UNC13A: variants seen among roughly 807,000 people sequenced by gnomAD.
UNC13A encodes the protein protein unc-13 homolog A.
A neutral mutation model predicts 219.7 loss-of-function variants in UNC13A; 61 were observed. That is an observed-to-expected ratio of 0.28 (90% CI 0.23 to 0.34). The LOEUF (loss-of-function observed/expected upper bound fraction) is 0.34. Among genes scored for constraint, UNC13A ranks in the 10% least tolerant of loss-of-function variants. The pLI is 1.00. For missense variants in UNC13A, 1,476 were observed against 2,270.3 expected, an observed-to-expected ratio of 0.65 and a Z score of 7.11; for synonymous variants, 920 against 884.6, an observed-to-expected ratio of 1.04 and a Z score of -0.71.
intron 8 of UNC13A, among the ~76,000 whole-genome samples, chr19:17,661,336 G>T (rs2079547563): frequency 6.6e-6 from 1 of 152,072 alleles, no homozygotes; most frequent in Non-Finnish European, 1.5e-5. Flanking sequence ...TGTCCACCAG[G>T]ATATGAGGAA....
intron 34 of UNC13A, among the ~76,000 whole-genome samples, chr19:17,625,921 C>G (rs980631642): frequency 6.7e-6 from 1 of 150,070 alleles, no homozygotes; most frequent in African/African-American, 2.4e-5. Flanking sequence ...ATTGACCTAT[C>G]CATCCATCCA....
Position 17,642,969 on chromosome 19 carries a change from C to CA in UNC13A, c.2357-10dup, listed in dbSNP as rs775476169. ...TTTGTCAGTTCGCTTGTCTGCAGGGCAGAAAAAGAAGACAGTGTCAGAACT... is the reference window on the plus strand; with the variant it reads ...TTTGTCAGTTCGCTTGTCTGCAGGGCAAGAAAAAGAAGACAGTGTCAGAACT... On this transcript the variant is annotated splice_polypyrimidine_tract_variant and intron_variant, in intron 19 of 43. Coordinates refer to ENST00000519716, the MANE Select transcript of UNC13A (RefSeq NM_001080421.3). The CA allele has an allele frequency of 1.9e-6, 3 of 1,593,198 alleles. No homozygotes were observed. Among genetic ancestry groups the CA allele is most frequent in the Non-Finnish European group, 2.6e-6 (3 of 1,169,370 alleles).
intron 20 of UNC13A, 39 bp downstream of exon 20, chr19:17,642,806 G>T: frequency 6.5e-7 from 1 of 1,531,810 alleles, no homozygotes; most frequent in Non-Finnish European, 8.9e-7. Flanking sequence ...GGAATGGTGA[G>T]TGGAAGTGGC....
Position 17,606,036 on chromosome 19 carries a change from C to A in UNC13A, c.*18G>T, listed in dbSNP as rs2076521856. 6.8e-7 allele frequency: 1 copy of A among 1,478,042 alleles called. No homozygotes were observed. The highest frequency in any genetic ancestry group is 1.5e-5 in the African/African-American group (1 of 67,938). 91.6% of individuals were successfully genotyped at this position (1,478,042 alleles called of 1,614,324 possible). ...CGCCCTCCGCGCAGGCGCAGTGCCGCTCGGCCGACCGCCCGCGCTAAGGCG... is the reference window on the plus strand; with the variant it reads ...CGCCCTCCGCGCAGGCGCAGTGCCGATCGGCCGACCGCCCGCGCTAAGGCG... On this transcript the variant is annotated 3_prime_UTR_variant, in exon 44 of 44. Coordinates refer to ENST00000519716, the MANE Select transcript of UNC13A (RefSeq NM_001080421.3).
chr19:17,613,304 G>A (rs953768667), intron 41 of UNC13A, among the ~76,000 whole-genome samples: 3 of 152,044 alleles, frequency 2.0e-5, no homozygotes, highest in African/African-American at 7.2e-5. Context: ...AGCTATCTAG[G>A]AGGCTGAGGC....
intron 4 of UNC13A, among the ~76,000 whole-genome samples, chr19:17,671,375 A>G (rs1343686159): frequency 6.6e-6 from 1 of 152,130 alleles, no homozygotes; most frequent in Admixed American, 6.6e-5. Context: ...ACAGGGGAGG[A>G]CAGATCAGAG....
In UNC13A at chr19:17,647,410, G is replaced by A; in HGVS notation, c.1899C>T (p.Ile633=). The change falls in exon 17 of 44, where the codon ATC becomes ATT. Residue 633 remains isoleucine (I), a synonymous_variant. Transcript: ENST00000519716. ...IIMVLKDRMK[I]RERNKPEIFE... ...AGATCTCGGGCTTGTTGCGCTCCCG[G>A]ATCTTCATGCGGTCCTTGAGCACCA... The A allele has an allele frequency of 6.2e-7, 1 of 1,613,748 alleles. No individual in the cohort carries two copies. The highest frequency in any genetic ancestry group is 1.1e-5 in the South Asian group (1 of 91,086).
intron 11 of UNC13A, 127 bp from the exon 12 acceptor site, chr19:17,652,804 G>T: frequency 1.0e-6 from 1 of 988,454 alleles, no homozygotes; most frequent in Non-Finnish European, 1.6e-6. Context: ...TCCTGGCTGA[G>T]TGATTTTAGG....
intron 8 of UNC13A, 97 bp downstream of exon 8, chr19:17,663,435 T>C (rs1270937914): frequency 1.4e-6 from 2 of 1,419,072 alleles, no homozygotes; most frequent in East Asian, 2.4e-5. Context: ...CACAGGCTCC[T>C]TGCTTCCCTG....
At position 17,602,535 on chromosome 19, in the gene UNC13A, C is replaced by T. The variant is rs1267964006; in HGVS notation, c.*3519G>A. 6.6e-6 allele frequency: 1 copy of T among 152,272 alleles called. No homozygotes were observed. The allele number at this position is 152,272 out of a possible 1,614,324, so 9.4% of individuals were successfully genotyped here. ...AAAGCGAGGTCCAGGGTTCAGAACC[C>T]TGGAGGTGTCATCCAAGGCCGGGCT... is the stretch of plus-strand genomic sequence containing the variant. On this transcript the variant is annotated 3_prime_UTR_variant, in exon 44 of 44. Coordinates refer to ENST00000519716, the MANE Select transcript of UNC13A (RefSeq NM_001080421.3).
At position 17,617,637 on chromosome 19, in the gene UNC13A, T is replaced by A; in HGVS notation, c.4558+65A>T. 3 of 1,589,756 alleles carry A rather than the reference T, an allele frequency of 1.9e-6. No homozygotes were observed. The South Asian group carries it at 3.3e-5, about 18-fold the overall frequency. ...CAGGGGAGTGAGCCAATGGCAGCCG[T>A]TCAGGCTTGGGGCGGGGCTGTCTCC... On this transcript the variant is annotated intron_variant, in intron 41 of 43. Coordinates refer to ENST00000519716, the MANE Select transcript of UNC13A (RefSeq NM_001080421.3).
chr19:17,642,988 C>A (rs1332886855), intron 19 of UNC13A, 28 bp from the exon 20 acceptor site: 1 of 1,568,102 alleles, frequency 6.4e-7, no homozygotes, highest in Non-Finnish European at 8.7e-7. Flanking sequence ...AAGACAGTGT[C>A]AGAACTTCCC....
At chr19:17,640,143 T>C (rs957973852) in intron 22 of UNC13A, among the ~76,000 whole-genome samples, 5 of 152,166 alleles carry the variant, frequency 3.3e-5, no homozygotes, top group African/African-American at 1.2e-4. Flanking sequence ...CAAGCAATTC[T>C]CCTGCCTCAG....
rs924255368 is a variant in UNC13A at position 17,672,737 on chromosome 19, C to T, written c.153-242G>A. On this transcript the variant is annotated intron_variant, in intron 3 of 43. Transcript: ENST00000519716. ...CAGGATTCAAAGCCGGGAAGGATGG[C>T]GTGGGGACAGATGTTACACATCGCC... Among the ~76,000 whole-genome samples the T allele has an allele frequency of 4.6e-5, 7 of 152,188 alleles. No individual in the cohort carries two copies. In the East Asian group the frequency reaches 7.7e-4, roughly 17 times the overall value.
chr19:17,621,659 C>T (rs1568505772), intron 37 of UNC13A, among the ~76,000 whole-genome samples, 173 bp downstream of exon 37: 1 of 151,978 alleles, frequency 6.6e-6, no homozygotes, highest in Non-Finnish European at 1.5e-5. Flanking sequence ...CGTTCTGTCC[C>T]TGGAGAATCA....
chr19:17,682,151 A>G (rs2080031638), intron 1 of UNC13A, among the ~76,000 whole-genome samples: 1 of 151,868 alleles, frequency 6.6e-6, no homozygotes, highest in Non-Finnish European at 1.5e-5. Context: ...ACAGGGTTTC[A>G]CCATGTTGCC....
intron 34 of UNC13A, 93 bp downstream of exon 34, chr19:17,626,540 A>G: frequency 4.4e-6 from 6 of 1,362,306 alleles, no homozygotes; most frequent in Non-Finnish European, 5.8e-6. Flanking sequence ...CCCAGCAAAC[A>G]TTCCCTGCAC....
Position 17,645,808 on chromosome 19 carries a change from C to A in UNC13A, c.2222G>T (p.Arg741Leu), listed in dbSNP as rs1373427619. ...GATGTCGTCATCCTCGTCCCAGACG[C>A]GCACCTTGATGCGGTCGGAGGAATT... Reference protein sequence around the residue: ...CHNSSDRIKVRVWDEDDDIKS... With the variant: ...CHNSSDRIKVLVWDEDDDIKS... Residue 741 changes from arginine (R) to leucine (L), a missense_variant, in exon 19 of 44, where the codon CGC becomes CTC. Around this residue, in one of 14 missense-constraint regions of UNC13A, gnomAD observed 66 missense variants for 224.3 expected, o/e 0.29. Transcript: ENST00000519716. 1 of 1,613,012 alleles carries A rather than the reference C, an allele frequency of 6.2e-7. No individual in the cohort carries two copies. The highest frequency in any genetic ancestry group is 8.5e-7 in the Non-Finnish European group (1 of 1,179,534).
chr19:17,646,319 C>T (rs1418294578), intron 17 of UNC13A, among the ~76,000 whole-genome samples: 2 of 151,164 alleles, frequency 1.3e-5, no homozygotes, highest in African/African-American at 4.9e-5. Flanking sequence ...TGCTCGTCAC[C>T]CAGGCTGGAG....
Sources: allele counts gnomAD v4.1 joint callset (sites outside exome capture counted in the v4.1 genomes callset), GRCh38; gene constraint gnomAD v4.1.1; regional missense constraint gnomAD v4.1.1; transcripts MANE v1.5; gene names NCBI Gene and HGNC (gene_info 2026-07-23, HGNC 2026-07-21).